The following KIAA0586 variants were observed in gnomAD, a reference collection of about 807,000 sequenced individuals.
KIAA0586 encodes KIAA0586, also known as protein TALPID3.
Under a neutral mutation model 169.8 loss-of-function variants are expected in KIAA0586, and 144 were observed. The observed-to-expected ratio is 0.85, with a 90% confidence interval of 0.74 to 0.97. The LOEUF (loss-of-function observed/expected upper bound fraction) is 0.97, where lower values mean the gene tolerates loss of function less well. Among genes scored for constraint, KIAA0586 ranks in the 50% least tolerant of loss-of-function variants. The pLI is 0.00. For synonymous variants in KIAA0586, 625 were observed against 612.4 expected (o/e 1.02, Z -0.30); for missense variants, 1,854 against 1,823.0 (o/e 1.02, Z -0.31).
Position 58,428,017 on chromosome 14 carries a change from C to G in KIAA0586, c.-248C>G, listed in dbSNP as rs1248338871. 6 of 1,427,678 alleles carry G rather than the reference C, an allele frequency of 4.2e-6. No individual in the cohort carries two copies. The African/African-American group carries it at 7.2e-5, about 17-fold the overall frequency. 88.4% of individuals were successfully genotyped at this position (1,427,678 alleles called of 1,614,324 possible). ...TTATTGTTGCTCCTGTGGCCATTCT[C>G]TTGTCATCCCCACTTTCACATTTTG... On this transcript the variant is annotated 5_prime_UTR_variant, in exon 1 of 31. Coordinates refer to ENST00000652326, the MANE Select transcript of KIAA0586 (RefSeq NM_001329943.3).
intron 29 of KIAA0586, among the ~76,000 whole-genome samples, chr14:58,534,295 A>C (rs1196913822): frequency 6.6e-6 from 1 of 152,182 alleles, no homozygotes; most frequent in East Asian, 1.9e-4. Flanking sequence ...ACCTTCTCTA[A>C]CAGTCTGTGG....
At chr14:58,501,635 TG>T (rs2043580371) in intron 27 of KIAA0586, among the ~76,000 whole-genome samples, 1 of 152,018 alleles carries the variant, frequency 6.6e-6, no homozygotes, top group Admixed American at 6.6e-5. Flanking sequence ...ATAAGTAATA[TG>T]GTATAACATA....
At chr14:58,452,634 C>CT (rs2039485231) in intron 8 of KIAA0586, among the ~76,000 whole-genome samples, 1 of 152,132 alleles carries the variant, frequency 6.6e-6, no homozygotes, top group African/African-American at 2.4e-5. Flanking sequence ...TATCAAATTC[C>CT]TTTTTTCTGT....
At chr14:58,537,006 G>A (rs1404325519) in intron 29 of KIAA0586, 10 of 1,261,484 alleles carry the variant, frequency 7.9e-6, no homozygotes, top group Non-Finnish European at 1.0e-5. Flanking sequence ...TTTTTTTTCA[G>A]TTTTGATCAG....
rs999250670 is a variant in KIAA0586 at position 58,548,213 on chromosome 14, AGGTG to A, written c.*282_*285del. On this transcript the variant is annotated 3_prime_UTR_variant, in exon 31 of 31. Coordinates refer to ENST00000652326, the MANE Select transcript of KIAA0586 (RefSeq NM_001329943.3). ...TTTGACATCTAGGCATTTAATCTATAGGTGTAATTATCTGTATGTATTTATAAAA... is the reference window on the plus strand; with the variant it reads ...TTTGACATCTAGGCATTTAATCTATATAATTATCTGTATGTATTTATAAAA... The A allele has an allele frequency of 2.3e-5, 7 of 308,732 alleles. No individual in the cohort carries two copies. The highest frequency in any genetic ancestry group is 1.5e-4 in the African/African-American group (7 of 46,524). The allele number at this position is 308,732 out of a possible 1,614,324, so 19.1% of individuals were successfully genotyped here.
chr14:58,464,938 G>A (rs1455782483), intron 14 of KIAA0586, among the ~76,000 whole-genome samples: 1 of 152,090 alleles, frequency 6.6e-6, no homozygotes, highest in East Asian at 1.9e-4. Context: ...CGGGCATGGT[G>A]GCATGCGTCT....
intron 3 of KIAA0586, among the ~76,000 whole-genome samples, chr14:58,431,682 T>C (rs1306314160): frequency 2.0e-5 from 3 of 152,250 alleles, no homozygotes; most frequent in Non-Finnish European, 2.9e-5. Flanking sequence ...TTTAACGATA[T>C]TGATTTTTCT....
intron 2 of KIAA0586, 137 bp downstream of exon 2, chr14:58,429,570 A>G: frequency 1.6e-6 from 1 of 637,334 alleles, no homozygotes; most frequent in Non-Finnish European, 2.8e-6. Flanking sequence ...TGTTTTATAT[A>G]CTACAATTGT....
At chr14:58,562,063 C>A in the KIAA0586 span, among the ~76,000 whole-genome samples, 1 of 152,166 alleles carries the variant, frequency 6.6e-6, no homozygotes, top group African/African-American at 2.4e-5. Flanking sequence ...ATCATGTAAC[C>A]CAACAAATAA....
downstream of KIAA0586, among the ~76,000 whole-genome samples, chr14:58,556,045 C>T (rs2047239436): frequency 6.6e-6 from 1 of 152,116 alleles, no homozygotes; most frequent in South Asian, 2.1e-4. Flanking sequence ...ATGTCTTTAC[C>T]ATTTTTAGTA....
chr14:58,528,067 T>TA (rs1485816975), intron 29 of KIAA0586, among the ~76,000 whole-genome samples: 2 of 152,098 alleles, frequency 1.3e-5, no homozygotes, highest in Admixed American at 6.5e-5. Flanking sequence ...TAGTCTCTGA[T>TA]AAAACAGACT....
At chr14:58,483,612 C>A (rs111615744) in intron 21 of KIAA0586, among the ~76,000 whole-genome samples, 1 of 151,734 alleles carries the variant, frequency 6.6e-6, no homozygotes, top group African/African-American at 2.4e-5. Context: ...CATTGCTTTG[C>A]GTTATTATAT....
chr14:58,459,341 T>A (rs2040139344), intron 12 of KIAA0586, among the ~76,000 whole-genome samples: 2 of 152,042 alleles, frequency 1.3e-5, no homozygotes, highest in African/African-American at 4.8e-5. Context: ...GAACTAAGAG[T>A]CAGAAGATTT....
At chr14:58,525,305 C>T (rs1485393874) in intron 29 of KIAA0586, among the ~76,000 whole-genome samples, 1 of 151,854 alleles carries the variant, frequency 6.6e-6, no homozygotes, top group Non-Finnish European at 1.5e-5. Flanking sequence ...TTGTGCAGCT[C>T]CCAGCGAGAT....
At chr14:58,532,752 T>C (rs1446247323) in intron 29 of KIAA0586, among the ~76,000 whole-genome samples, 1 of 152,214 alleles carries the variant, frequency 6.6e-6, no homozygotes, top group Non-Finnish European at 1.5e-5. Context: ...ATTTTTTAAT[T>C]GGAATAAATA....
chr14:58,470,723 G>A lies in KIAA0586; in HGVS notation c.2553G>A (p.Lys851=), dbSNP rs1024217852. The change falls in exon 17 of 31, where the codon AAG becomes AAA. Residue 851 remains lysine, a splice_region_variant and synonymous_variant. Transcript: ENST00000652326. Reference sequence around the variant, plus strand: ...TTCCTCCTGTGCAAACTTGGATAAAGGTATATTTCAGAATTTTATCATATT... The same window carrying A: ...TTCCTCCTGTGCAAACTTGGATAAAAGTATATTTCAGAATTTTATCATATT... ...ASLPPVQTWI[K]TPEIMKVDEE... is the part of the protein sequence containing the mutation. The A allele has an allele frequency of 5.4e-6, 8 of 1,477,302 alleles. No homozygotes were observed. The highest frequency in any genetic ancestry group is 1.9e-6 in the Non-Finnish European group (2 of 1,057,000). The allele number at this position is 1,477,302 out of a possible 1,614,324, so 91.5% of individuals were successfully genotyped here. A position where few individuals can be genotyped will look rare whatever the true frequency, so the allele number is the denominator to read the frequency against.
intron 27 of KIAA0586, among the ~76,000 whole-genome samples, chr14:58,502,422 G>A (rs766494642): frequency 2.6e-5 from 4 of 152,206 alleles, no homozygotes; most frequent in African/African-American, 9.7e-5. Flanking sequence ...TTACACGTGT[G>A]AGCCACTGCG....
At chr14:58,453,099 A>G (rs1018005699) in intron 8 of KIAA0586, among the ~76,000 whole-genome samples, 1 of 150,538 alleles carries the variant, frequency 6.6e-6, no homozygotes, top group Non-Finnish European at 1.5e-5. Flanking sequence ...TTCTATTTTT[A>G]GTAGAGACGG....
intron 29 of KIAA0586, among the ~76,000 whole-genome samples, chr14:58,527,958 A>G (rs1189893235): frequency 6.6e-6 from 1 of 152,164 alleles, no homozygotes; most frequent in Non-Finnish European, 1.5e-5. Flanking sequence ...TATTCAGGAG[A>G]CCCATCTCAC....
Sources: gnomAD v4.1 joint callset for allele counts (sites outside exome capture counted in the v4.1 genomes callset) on GRCh38, gnomAD v4.1.1 for gene constraint, MANE v1.5 for transcripts, NCBI Gene and HGNC (gene_info 2026-07-23, HGNC 2026-07-21) for gene names.